HMCN1: variants seen among roughly 807,000 people sequenced by gnomAD.
HMCN1 encodes the protein hemicentin 1, also known as hemicentin-1.
In HMCN1, 321 loss-of-function variants were observed where a neutral mutation model predicts 625.9. That is an observed-to-expected ratio of 0.51 (90% CI 0.47 to 0.56). HMCN1 has a LOEUF of 0.56. Among genes scored for constraint, HMCN1 ranks in the 20% least tolerant of loss-of-function variants. The pLI is 0.00. For synonymous variants in HMCN1, 2,425 were observed against 2,417.6 expected, an observed-to-expected ratio of 1.00 and a Z score of -0.09; for missense variants, 6,588 against 6,887.3, an observed-to-expected ratio of 0.96 and a Z score of 1.54.
At chr1:186,049,815 A>T (rs1197053363) in intron 42 of HMCN1, among the ~76,000 whole-genome samples, 1 of 152,002 alleles carries the variant, frequency 6.6e-6, no homozygotes, top group African/African-American at 2.4e-5. Flanking sequence ...GCATGCACTG[A>T]TGTAGAAAAT....
intron 1 of HMCN1, among the ~76,000 whole-genome samples, chr1:185,790,809 G>C (rs1395831562): frequency 6.6e-6 from 1 of 152,142 alleles, no homozygotes; most frequent in African/African-American, 2.4e-5. Context: ...AGAGGAAACT[G>C]GAGGTTATGA....
chr1:186,063,066 G>GTGTA (rs1491400415), intron 48 of HMCN1, among the ~76,000 whole-genome samples: 9 of 29,914 alleles, frequency 3.0e-4, no homozygotes, highest in South Asian at 1.3e-3. Flanking sequence ...GTGTGTGTGT[G>GTGTA]CATATATATA....
chr1:186,177,991 A>C (rs1397203043), intron 103 of HMCN1, among the ~76,000 whole-genome samples: 1 of 152,180 alleles, frequency 6.6e-6, no homozygotes, highest in Non-Finnish European at 1.5e-5. Context: ...TAAAATCTTA[A>C]TGTTACTCTT....
chr1:185,852,368 G>T (rs1662215980), intron 2 of HMCN1, among the ~76,000 whole-genome samples: 1 of 151,274 alleles, frequency 6.6e-6, no homozygotes, highest in African/African-American at 2.4e-5. Context: ...AACATATATG[G>T]CTAGACAAAT....
chr1:185,943,709 C>A (rs1243420556), intron 11 of HMCN1, among the ~76,000 whole-genome samples: 2 of 152,120 alleles, frequency 1.3e-5, no homozygotes, highest in Non-Finnish European at 2.9e-5. Flanking sequence ...ATTATGTAGG[C>A]AGGATTAAAT....
intron 1 of HMCN1, among the ~76,000 whole-genome samples, chr1:185,824,202 G>T (rs1279361956): frequency 4.6e-5 from 7 of 152,184 alleles, no homozygotes; most frequent in Admixed American, 3.9e-4. Context: ...GAGGCTAAAA[G>T]AGTTGCCCAA....
At chr1:185,963,741 T>C (rs1415075548) in intron 12 of HMCN1, 27 bp from the exon 13 acceptor site, 47 of 1,517,930 alleles carry the variant, frequency 3.1e-5, no homozygotes, top group Non-Finnish European at 4.3e-5. Flanking sequence ...TTTTCAATTT[T>C]ATATTCTTTT....
intron 40 of HMCN1, among the ~76,000 whole-genome samples, 171 bp downstream of exon 40, chr1:186,041,307 G>A (rs1456057306): frequency 6.6e-6 from 1 of 152,170 alleles, no homozygotes; most frequent in South Asian, 2.1e-4. Flanking sequence ...GACTTTGGAT[G>A]ATTTTCCTTT....
In HMCN1 at chr1:186,189,740, G is replaced by A. The variant is rs771454114; in HGVS notation, c.16770G>A (p.Val5590=). The change falls in exon 107 of 107, where the codon GTG becomes GTA. Residue 5590 remains valine, a synonymous_variant. Transcript: ENST00000271588. The part of the protein sequence containing the change: ...FALRDENLKG[V]VYTTRPLREA... ...TGAGGGATGAAAACCTGAAAGGAGT[G>A]GTGTATACAACACGACCACTACGAG... The A allele has an allele frequency of 6.8e-6, 11 of 1,613,568 alleles. No individual in the cohort carries two copies. Among genetic ancestry groups the A allele is most frequent in the Non-Finnish European group, 9.3e-6 (11 of 1,179,742 alleles).
At chr1:186,058,883 T>C (rs1657511404) in intron 46 of HMCN1, among the ~76,000 whole-genome samples, 1 of 152,010 alleles carries the variant, frequency 6.6e-6, no homozygotes, top group African/African-American at 2.4e-5. Flanking sequence ...TTATAACTGA[T>C]AGGAGCTTGA....
At chr1:186,189,181 A>G (rs1234491804) in intron 106 of HMCN1, among the ~76,000 whole-genome samples, 1 of 152,198 alleles carries the variant, frequency 6.6e-6, no homozygotes, top group Non-Finnish European at 1.5e-5. Context: ...CTTGTTTCCA[A>G]TATATATGCA....
At chr1:185,852,220 T>C (rs1240104423) in intron 2 of HMCN1, among the ~76,000 whole-genome samples, 2 of 151,952 alleles carry the variant, frequency 1.3e-5, no homozygotes, top group Non-Finnish European at 2.9e-5. Context: ...ATAATGATGA[T>C]TTTAGAAGAA....
At chr1:186,154,148 C>A (rs1650848339) in intron 97 of HMCN1, among the ~76,000 whole-genome samples, 161 bp downstream of exon 97, 1 of 152,146 alleles carries the variant, frequency 6.6e-6, no homozygotes, top group South Asian at 2.1e-4. Flanking sequence ...GAAAAGCCAA[C>A]CCAATTGGAG....
Position 185,865,575 on chromosome 1 carries a change from A to G in HMCN1, c.499-166A>G, listed in dbSNP as rs555500148. 6.1e-5 allele frequency among the ~76,000 whole-genome samples: 8 copies of G among 131,902 alleles called. No individual in the cohort carries two copies. The East Asian group carries it at 8.9e-4, about 15-fold the overall frequency. 86.5% of individuals were successfully genotyped at this position (131,902 alleles called of 152,430 possible). On this transcript the variant is annotated intron_variant, in intron 3 of 106. Transcript: ENST00000271588. ...AACAGAGTATAAAGTCAATAATTAT[A>G]TAAGCATACACACACACACACACAC... is the stretch of plus-strand genomic sequence containing the variant.
chr1:186,155,430 A>T (rs761773549), intron 97 of HMCN1, among the ~76,000 whole-genome samples: 6 of 152,066 alleles, frequency 3.9e-5, no homozygotes, highest in Non-Finnish European at 7.4e-5. Context: ...TTCCCTAATT[A>T]TGCCTGCTTT....
At chr1:186,065,201 T>C (rs1214175933) in intron 48 of HMCN1, 37 bp from the exon 49 acceptor site, 9 of 1,546,924 alleles carry the variant, frequency 5.8e-6, no homozygotes, top group Non-Finnish European at 8.0e-6. Context: ...TCTATACATG[T>C]AATTATTAGC....
chr1:186,155,723 G>A (rs932787708), intron 97 of HMCN1, among the ~76,000 whole-genome samples: 1 of 152,110 alleles, frequency 6.6e-6, no homozygotes, highest in Admixed American at 6.5e-5. Flanking sequence ...CTTAGACACT[G>A]TGATTCTATG....
chr1:185,886,632 G>A (rs1027356443), intron 4 of HMCN1, among the ~76,000 whole-genome samples: 1 of 151,522 alleles, frequency 6.6e-6, no homozygotes, highest in African/African-American at 2.4e-5. Context: ...ATCAAATTTA[G>A]TTTTACATAT....
intron 22 of HMCN1, among the ~76,000 whole-genome samples, chr1:185,991,216 T>C (rs140296312): frequency 0.012 from 1,843 of 152,308 alleles, 39 homozygotes; most frequent in African/African-American, 0.037. Flanking sequence ...GTTAGAATCA[T>C]TGATATATAA....
Sources: gnomAD v4.1 joint callset for allele counts (sites outside exome capture counted in the v4.1 genomes callset) on GRCh38, gnomAD v4.1.1 for gene constraint, MANE v1.5 for transcripts, NCBI Gene and HGNC (gene_info 2026-07-23, HGNC 2026-07-21) for gene names.